APBA2: variants seen among roughly 807,000 people sequenced by gnomAD.
The protein encoded by APBA2 is amyloid beta precursor protein binding family A member 2.
A neutral mutation model predicts 75.0 loss-of-function variants in APBA2; 30 were observed. The ratio of observed to expected loss-of-function variants is 0.40; its 90% CI spans 0.30 to 0.54. The LOEUF is 0.54. APBA2 is among the 20% of genes least tolerant of loss of function. APBA2 has a pLI of 0.49. For missense variants in APBA2, 801 were observed against 1,016.1 expected (o/e 0.79, Z 2.88); for synonymous variants, 444 against 409.6 (o/e 1.08, Z -1.01).
intron 6 of APBA2, among the ~76,000 whole-genome samples, chr15:29,090,070 CTCTGGG>C (rs1025727980): frequency 6.6e-6 from 1 of 152,210 alleles, no homozygotes. Flanking sequence ...CTGGACTCTT[CTCTGGG>C]TCTGGGTTCT....
chr15:29,071,000 C>T (rs1302724345), intron 4 of APBA2: 3 of 448,210 alleles, frequency 6.7e-6, no homozygotes, highest in Non-Finnish European at 1.3e-5. Flanking sequence ...GCCTGGCTTT[C>T]CACTGATGCC....
At chr15:28,910,530 T>C (rs1331933203) in intron 1 of APBA2, among the ~76,000 whole-genome samples, 3 of 152,208 alleles carry the variant, frequency 2.0e-5, no homozygotes, top group African/African-American at 7.2e-5. Context: ...GATCCGAGTA[T>C]TTCCCACCCA....
At position 29,006,767 on chromosome 15, in the gene APBA2, C is replaced by G. The variant is rs536339157; in HGVS notation, c.-41+10961C>G. Among the ~76,000 whole-genome samples, 3 of 152,280 alleles carry G rather than the reference C, an allele frequency of 2.0e-5. No homozygotes were observed. In the East Asian group the frequency reaches 5.8e-4, roughly 29 times the overall value. On this transcript the variant is annotated intron_variant, in intron 3 of 14. Transcript: ENST00000683413. ...TACAGTTATCGCTACCTGGCCCCAC[C>G]CTTGACGTGAGGATTATTGCAGTTG...
intron 3 of APBA2, among the ~76,000 whole-genome samples, chr15:29,028,948 TC>T (rs1362583394): frequency 5.9e-5 from 9 of 152,170 alleles, no homozygotes; most frequent in Admixed American, 2.0e-4. Flanking sequence ...TTTCTCCCAC[TC>T]TGTGGGTTGC....
intron 1 of APBA2, among the ~76,000 whole-genome samples, chr15:28,912,629 A>C (rs1399444947): frequency 6.6e-6 from 1 of 152,210 alleles, no homozygotes; most frequent in Non-Finnish European, 1.5e-5. Context: ...AGCACCCTCC[A>C]GAGGTTGTGT....
At chr15:29,002,946 A>C (rs1221092075) in intron 3 of APBA2, among the ~76,000 whole-genome samples, 1 of 151,760 alleles carries the variant, frequency 6.6e-6, no homozygotes, top group Non-Finnish European at 1.5e-5. Flanking sequence ...AGAGAGGGGG[A>C]AGACGGGCGT....
intron 1 of APBA2, among the ~76,000 whole-genome samples, chr15:28,899,534 G>A (rs1232107625): frequency 2.0e-5 from 3 of 152,208 alleles, no homozygotes; most frequent in African/African-American, 4.8e-5. Flanking sequence ...GCCGTGTTGC[G>A]TTGCAGCCGG....
At chr15:28,893,276 C>T (rs1451258341) in intron 1 of APBA2, among the ~76,000 whole-genome samples, 1 of 152,328 alleles carries the variant, frequency 6.6e-6, no homozygotes, top group East Asian at 1.9e-4. Context: ...AACTGTTCTG[C>T]TACAGTAAAG....
At chr15:29,018,008 C>T (rs1051471526) in intron 3 of APBA2, among the ~76,000 whole-genome samples, 16 of 152,076 alleles carry the variant, frequency 1.1e-4, no homozygotes, top group Admixed American at 2.0e-4. Flanking sequence ...GTTGTTAATT[C>T]GCATTGAGAA....
intron 3 of APBA2, among the ~76,000 whole-genome samples, chr15:28,996,997 C>T (rs556711049): frequency 2.6e-5 from 4 of 152,272 alleles, no homozygotes; most frequent in South Asian, 2.1e-4. Flanking sequence ...CACAAGGCCA[C>T]AAGTGTGGCT....
At chr15:28,958,687 A>G (rs1005090991) in intron 2 of APBA2, among the ~76,000 whole-genome samples, 1 of 152,170 alleles carries the variant, frequency 6.6e-6, no homozygotes, top group Non-Finnish European at 1.5e-5. Context: ...CCTGGCTTTA[A>G]CAGCCTCTGT....
intron 6 of APBA2, 76 bp downstream of exon 6, chr15:29,076,167 C>T (rs2042841243): frequency 7.6e-6 from 11 of 1,456,572 alleles, no homozygotes; most frequent in Non-Finnish European, 1.1e-5. Flanking sequence ...TTAGTTTGGG[C>T]ATTCACCTGC....
At chr15:28,934,224 A>T (rs1466468505) in intron 2 of APBA2, among the ~76,000 whole-genome samples, 1 of 151,998 alleles carries the variant, frequency 6.6e-6, no homozygotes, top group African/African-American at 2.4e-5. Context: ...TGGAGCCAGG[A>T]GGGACTCAGT....
intron 6 of APBA2, among the ~76,000 whole-genome samples, chr15:29,079,602 C>T (rs764670917): frequency 2.6e-5 from 4 of 152,184 alleles, no homozygotes; most frequent in African/African-American, 2.4e-5. Context: ...GGGTGCCTGC[C>T]GCCACTTCCC....
At chr15:28,982,781 G>A (rs998349805) in intron 2 of APBA2, among the ~76,000 whole-genome samples, 1 of 152,194 alleles carries the variant, frequency 6.6e-6, no homozygotes, top group Non-Finnish European at 1.5e-5. Flanking sequence ...TGTCTTCAGC[G>A]CAAGTGTTCT....
intron 2 of APBA2, among the ~76,000 whole-genome samples, chr15:28,951,563 A>G (rs900679680): frequency 6.6e-6 from 1 of 151,048 alleles, no homozygotes; most frequent in African/African-American, 2.5e-5. Flanking sequence ...CTGTGTATAC[A>G]TATGTATCTC....
chr15:29,052,371 T>C (rs756782521), intron 3 of APBA2, among the ~76,000 whole-genome samples: 62 of 146,234 alleles, frequency 4.2e-4, no homozygotes, highest in Non-Finnish European at 7.4e-5. Flanking sequence ...AGGAGAATGG[T>C]GTGAACCCAG....
intron 3 of APBA2, among the ~76,000 whole-genome samples, chr15:29,002,386 C>T (rs754128704): frequency 2.0e-5 from 3 of 152,188 alleles, no homozygotes; most frequent in Non-Finnish European, 2.9e-5. Context: ...AACTAATCTC[C>T]TTTCTTGGGC....
intron 2 of APBA2, among the ~76,000 whole-genome samples, chr15:28,935,393 C>T (rs982932444): frequency 5.3e-5 from 8 of 151,872 alleles, no homozygotes; most frequent in African/African-American, 1.9e-4. Flanking sequence ...TTTTAATTTG[C>T]CCCTGGGGGA....
Sources: gnomAD v4.1 joint callset for allele counts (sites outside exome capture counted in the v4.1 genomes callset) on GRCh38, gnomAD v4.1.1 for gene constraint, MANE v1.5 for transcripts, NCBI Gene and HGNC (gene_info 2026-07-23, HGNC 2026-07-21) for gene names.